SLC39A11: variants seen among roughly 807,000 people sequenced by gnomAD.
SLC39A11 encodes zinc transporter ZIP11.
Under a neutral mutation model 36.1 loss-of-function variants are expected in SLC39A11, and 33 were observed. The observed-to-expected ratio is 0.91, with a 90% confidence interval of 0.69 to 1.22. The LOEUF (loss-of-function observed/expected upper bound fraction) is 1.22, where lower values mean the gene tolerates loss of function less well. Among genes scored for constraint, SLC39A11 ranks in the 50% most tolerant of loss-of-function variants. The probability of loss-of-function intolerance (pLI) is 0.00; values close to 1 mark genes in which losing one functional copy is unlikely to be tolerated. For synonymous variants in SLC39A11, 166 were observed against 170.3 expected, an observed-to-expected ratio of 0.97 and a Z score of 0.20; for missense variants, 432 against 430.3, an observed-to-expected ratio of 1.00 and a Z score of -0.03.
At chr17:72,787,536 C>T (rs948301259) in intron 6 of SLC39A11, among the ~76,000 whole-genome samples, 1 of 151,766 alleles carries the variant, frequency 6.6e-6, no homozygotes, top group Non-Finnish European at 1.5e-5. Context: ...GGATTACAGG[C>T]GTGAGCCACC....
At chr17:72,903,271 GAAAAA>G (rs11450652) in intron 5 of SLC39A11, among the ~76,000 whole-genome samples, 21 of 113,332 alleles carry the variant, frequency 1.9e-4, no homozygotes, top group African/African-American at 6.4e-4. Flanking sequence ...GTCTCGAAAA[GAAAAA>G]AAAAAAAAAA....
At chr17:72,797,479 G>C (rs964094475) in intron 6 of SLC39A11, among the ~76,000 whole-genome samples, 1 of 152,034 alleles carries the variant, frequency 6.6e-6, no homozygotes, top group African/African-American at 2.4e-5. Flanking sequence ...CATTAGATGA[G>C]GGCTAATTTA....
chr17:72,929,961 C>A (rs186884675), intron 5 of SLC39A11, among the ~76,000 whole-genome samples: 42 of 152,234 alleles, frequency 2.8e-4, no homozygotes, highest in African/African-American at 1.0e-3. Context: ...CCTGACTTTG[C>A]GAGGATATTA....
Position 72,705,321 on chromosome 17 carries a change from T to A in SLC39A11, c.671+31329A>T, listed in dbSNP as rs570745591. Reference sequence around the variant, plus strand: ...CCCCAACCTTTATCTTAAAGGAGAATGTAAACTTTTGTAGAACATGAGGAA... The same window carrying A: ...CCCCAACCTTTATCTTAAAGGAGAAAGTAAACTTTTGTAGAACATGAGGAA... On this transcript the variant is annotated intron_variant, in intron 7 of 9. Transcript: ENST00000255559. Among the ~76,000 whole-genome samples, 255 of 152,354 alleles carry A rather than the reference T, an allele frequency of 1.7e-3. 1 individual carries two copies. The highest frequency in any genetic ancestry group is 5.8e-3 in the African/African-American group (242 of 41,584).
chr17:72,919,945 C>A (rs750245486), intron 5 of SLC39A11, among the ~76,000 whole-genome samples: 1 of 152,136 alleles, frequency 6.6e-6, no homozygotes, highest in Non-Finnish European at 1.5e-5. Context: ...TTTATTACTG[C>A]GGAAATTCAT....
At chr17:73,075,374 C>A (rs2060285939) in intron 3 of SLC39A11, among the ~76,000 whole-genome samples, 1 of 152,212 alleles carries the variant, frequency 6.6e-6, no homozygotes, top group Admixed American at 6.5e-5. Context: ...TACTGGCAGC[C>A]CCTGACATCT....
At chr17:73,084,995 C>T in intron 2 of SLC39A11, 149 bp from the exon 3 acceptor site, 1 of 758,900 alleles carries the variant, frequency 1.3e-6, no homozygotes, top group Non-Finnish European at 2.2e-6. Context: ...ATACCATGGG[C>T]CAAGAACCAC....
chr17:72,744,389 G>A (rs539919594), intron 6 of SLC39A11, among the ~76,000 whole-genome samples: 4 of 152,120 alleles, frequency 2.6e-5, no homozygotes, highest in Middle Eastern at 3.4e-3. Flanking sequence ...GTTGCCAAAT[G>A]TTACTTTTCT....
At position 72,991,082 on chromosome 17, in the gene SLC39A11, G is replaced by T. The variant is rs866229091; in HGVS notation, c.306+40474C>A. ...TACCAACGATCTAGATTTAATAAAGGTTAACCTGTTACCATATTTGATTCA... is the reference window on the plus strand; with the variant it reads ...TACCAACGATCTAGATTTAATAAAGTTTAACCTGTTACCATATTTGATTCA... On this transcript the variant is annotated intron_variant, in intron 4 of 9. Coordinates refer to ENST00000255559, the MANE Select transcript of SLC39A11 (RefSeq NM_139177.4). Among the ~76,000 whole-genome samples the T allele has an allele frequency of 2.0e-5, 3 of 152,164 alleles. No homozygotes were observed. In the South Asian group the frequency reaches 6.2e-4, roughly 32 times the overall value.
chr17:72,930,392 G>A (rs369077155), intron 5 of SLC39A11, among the ~76,000 whole-genome samples: 6 of 152,300 alleles, frequency 3.9e-5, no homozygotes, highest in African/African-American at 1.4e-4. Flanking sequence ...ATAGGATCCT[G>A]TCAGATACCA....
rs112326860 is a variant in SLC39A11, at chr17:72,683,333, A to ATT, written c.672-34067_672-34066dup. Among the ~76,000 whole-genome samples, 628 of 134,586 alleles carry ATT rather than the reference A, an allele frequency of 4.7e-3. 4 individuals are homozygous for ATT. Among genetic ancestry groups the ATT allele is most frequent in the African/African-American group, 5.9e-3 (216 of 36,640 alleles). 88.3% of individuals were successfully genotyped at this position (134,586 alleles called of 152,430 possible). A position where few individuals can be genotyped will look rare whatever the true frequency, so the allele number is the denominator to read the frequency against. ...TTGCTGCCCCATTTCCTTGAGACTAATTTTTTTTTTTTTTTTTTTGGATAC... is the reference window on the plus strand; with the variant it reads ...TTGCTGCCCCATTTCCTTGAGACTAATTTTTTTTTTTTTTTTTTTTTGGATAC... On this transcript the variant is annotated intron_variant, in intron 7 of 9. Coordinates refer to ENST00000255559, the MANE Select transcript of SLC39A11 (RefSeq NM_139177.4).
chr17:72,786,152 G>A (rs1013287956), intron 6 of SLC39A11, among the ~76,000 whole-genome samples: 1 of 152,170 alleles, frequency 6.6e-6, no homozygotes, highest in African/African-American at 2.4e-5. Context: ...TGACTGCATG[G>A]GAAACCAGGA....
chr17:73,060,751 T>A (rs148712168), intron 3 of SLC39A11, among the ~76,000 whole-genome samples: 1 of 152,156 alleles, frequency 6.6e-6, no homozygotes, highest in East Asian at 1.9e-4. Flanking sequence ...TTTACTCATA[T>A]GTGTTCTAGA....
intron 6 of SLC39A11, among the ~76,000 whole-genome samples, chr17:72,743,635 G>A (rs2074810463): frequency 1.3e-5 from 2 of 152,092 alleles, no homozygotes; most frequent in South Asian, 2.1e-4. Flanking sequence ...GGTGATCCCC[G>A]AGAGCTAAGC....
At chr17:72,928,099 C>G (rs1161861199) in intron 5 of SLC39A11, among the ~76,000 whole-genome samples, 3 of 152,152 alleles carry the variant, frequency 2.0e-5, no homozygotes. Flanking sequence ...CGATTGGATT[C>G]TTTTCTAGAC....
chr17:72,894,536 G>A (rs2081935882), intron 5 of SLC39A11, among the ~76,000 whole-genome samples: 1 of 150,758 alleles, frequency 6.6e-6, no homozygotes, highest in African/African-American at 2.4e-5. Flanking sequence ...CGGGTGTGGT[G>A]GCACGCACCT....
chr17:72,756,679 TAGAA>T (rs2075371704), intron 6 of SLC39A11, among the ~76,000 whole-genome samples: 2 of 152,220 alleles, frequency 1.3e-5, no homozygotes, highest in South Asian at 2.1e-4. Flanking sequence ...TTTTACAAGA[TAGAA>T]AGAATTCTGG....
chr17:72,962,317 C>A (rs1316718167), intron 4 of SLC39A11, among the ~76,000 whole-genome samples: 1 of 152,200 alleles, frequency 6.6e-6, no homozygotes, highest in African/African-American at 2.4e-5. Flanking sequence ...GGGATCGGTG[C>A]AGCTAGGTCC....
intron 6 of SLC39A11, among the ~76,000 whole-genome samples, chr17:72,813,746 C>T (rs112089518): frequency 5.9e-4 from 90 of 152,276 alleles, no homozygotes; most frequent in African/African-American, 2.0e-3. Flanking sequence ...TACAAAAGTA[C>T]GCCAGGAGCT....
Sources: gnomAD v4.1 joint callset for allele counts (sites outside exome capture counted in the v4.1 genomes callset) on GRCh38, gnomAD v4.1.1 for gene constraint, MANE v1.5 for transcripts, NCBI Gene and HGNC (gene_info 2026-07-23, HGNC 2026-07-21) for gene names.